The following EXT1 variants were observed in gnomAD, a reference collection of about 807,000 sequenced individuals.
EXT1 encodes the protein exostosin-1.
EXT1 carries 20 observed loss-of-function variants against 82.5 expected under a neutral mutation model. The observed-to-expected ratio is 0.24, with a 90% CI of 0.17 to 0.35. The LOEUF (loss-of-function observed/expected upper bound fraction) is 0.35, where lower values mean the gene tolerates loss of function less well. EXT1 is among the 10% of genes least tolerant of loss of function. The probability of loss-of-function intolerance (pLI) is 1.00; values close to 1 mark genes in which losing one functional copy is unlikely to be tolerated. For synonymous variants in EXT1, 348 were observed against 350.8 expected (o/e 0.99, Z 0.09); for missense variants, 757 against 936.5 (o/e 0.81, Z 2.50).
intron 1 of EXT1, among the ~76,000 whole-genome samples, chr8:118,085,806 T>G (rs988094163): frequency 2.0e-5 from 3 of 152,114 alleles, no homozygotes; most frequent in Non-Finnish European, 4.4e-5. Flanking sequence ...CTTAATCCAC[T>G]CTGCATTTTC....
intron 1 of EXT1, among the ~76,000 whole-genome samples, chr8:117,844,137 C>CTATTATTATTATTATTATTAT (rs61042253): frequency 0.022 from 3,133 of 142,476 alleles, 52 homozygotes; most frequent in Admixed American, 0.04. Flanking sequence ...ATTTCAATTA[C>CTATTATTATTATTATTATTAT]TATTATTATT....
chr8:118,066,108 C>T (rs1233144356), intron 1 of EXT1, among the ~76,000 whole-genome samples: 2 of 152,118 alleles, frequency 1.3e-5, no homozygotes. Flanking sequence ...GGCCCTTGAA[C>T]AACATAGGTT....
At chr8:117,937,265 T>C (rs56655253) in intron 1 of EXT1, among the ~76,000 whole-genome samples, 284 of 152,342 alleles carry the variant, frequency 1.9e-3, no homozygotes, top group African/African-American at 6.5e-3. Flanking sequence ...GCTGAAATCA[T>C]TGCACTTGTA....
intron 1 of EXT1, among the ~76,000 whole-genome samples, chr8:118,050,507 G>A (rs1816700112): frequency 6.6e-6 from 1 of 152,128 alleles, no homozygotes; most frequent in African/African-American, 2.4e-5. Context: ...GCAGGGGTCG[G>A]CAAACTTTTC....
chr8:118,003,930 TACC>T (rs1815724870), intron 1 of EXT1, among the ~76,000 whole-genome samples: 1 of 152,234 alleles, frequency 6.6e-6, no homozygotes, highest in South Asian at 2.1e-4. Flanking sequence ...AAAACCATAT[TACC>T]ACATTCTAAT....
chr8:118,005,753 T>C (rs1815762354), intron 1 of EXT1, among the ~76,000 whole-genome samples: 1 of 152,212 alleles, frequency 6.6e-6, no homozygotes, highest in South Asian at 2.1e-4. Context: ...AGGTGAAGAT[T>C]GCAAAATGAT....
chr8:117,861,516 A>AG (rs1383139594), intron 1 of EXT1, among the ~76,000 whole-genome samples: 1,370 of 75,968 alleles, frequency 0.018, 42 homozygotes, highest in Admixed American at 0.027. Context: ...TTTTTTTGAG[A>AG]TAGAGTCTTG....
intron 1 of EXT1, among the ~76,000 whole-genome samples, chr8:118,049,011 C>G (rs112512867): frequency 1.3e-3 from 197 of 152,254 alleles, no homozygotes; most frequent in Middle Eastern, 3.4e-3. Flanking sequence ...CCCACTCCCC[C>G]CAGAAGAAAT....
intron 1 of EXT1, among the ~76,000 whole-genome samples, chr8:117,974,195 A>G (rs1459097375): frequency 6.6e-6 from 1 of 152,232 alleles, no homozygotes; most frequent in Non-Finnish European, 1.5e-5. Flanking sequence ...AGCAGATTAT[A>G]GAAGAGCTTT....
intron 1 of EXT1, among the ~76,000 whole-genome samples, chr8:118,007,929 G>A (rs1331507418): frequency 6.6e-6 from 1 of 152,186 alleles, no homozygotes; most frequent in East Asian, 1.9e-4. Flanking sequence ...GGCAGTGCTG[G>A]CAGAGGAGGC....
chr8:117,926,382 G>C (rs1813953264), intron 1 of EXT1, among the ~76,000 whole-genome samples: 1 of 152,128 alleles, frequency 6.6e-6, no homozygotes, highest in African/African-American at 2.4e-5. Context: ...AGACAGACCA[G>C]GTAAAACCCC....
At chr8:117,954,742 G>A (rs2129702958) in intron 1 of EXT1, among the ~76,000 whole-genome samples, 1 of 152,220 alleles carries the variant, frequency 6.6e-6, no homozygotes, top group East Asian at 1.9e-4. Context: ...ATATGTGGGG[G>A]GGACCTGTTT....
intron 1 of EXT1, among the ~76,000 whole-genome samples, chr8:118,054,154 C>T (rs1273882698): frequency 6.6e-6 from 1 of 152,212 alleles, no homozygotes; most frequent in Non-Finnish European, 1.5e-5. Flanking sequence ...TTTCATGACA[C>T]AGGTCTTCCT....
At chr8:118,011,905 A>G (rs1815907909) in intron 1 of EXT1, among the ~76,000 whole-genome samples, 1 of 152,182 alleles carries the variant, frequency 6.6e-6, no homozygotes, top group African/African-American at 2.4e-5. Flanking sequence ...GGAAGGGAGG[A>G]CAGTCATCGC....
intron 1 of EXT1, among the ~76,000 whole-genome samples, chr8:117,853,041 G>A (rs934583502): frequency 6.6e-5 from 10 of 152,182 alleles, no homozygotes; most frequent in African/African-American, 2.4e-4. Flanking sequence ...AGCAGGACTG[G>A]GGTTCAGAAT....
chr8:117,807,131 C>T, intron 9 of EXT1, 86 bp downstream of exon 9: 1 of 1,537,940 alleles, frequency 6.5e-7, no homozygotes, highest in Non-Finnish European at 9.0e-7. Flanking sequence ...ATGCTGTTAA[C>T]AAGATTTGGC....
At chr8:118,048,989 A>G (rs1487191341) in intron 1 of EXT1, among the ~76,000 whole-genome samples, 1 of 152,188 alleles carries the variant, frequency 6.6e-6, no homozygotes, top group African/African-American at 2.4e-5. Flanking sequence ...AACAAGAACT[A>G]AAGCTCTGAT....
intron 1 of EXT1, among the ~76,000 whole-genome samples, chr8:118,049,777 A>C (rs140434392): frequency 6.6e-6 from 1 of 152,236 alleles, no homozygotes; most frequent in East Asian, 1.9e-4. Flanking sequence ...GAAAGCAACC[A>C]CATCAGCTTA....
intron 1 of EXT1, among the ~76,000 whole-genome samples, chr8:117,971,774 T>C (rs976904596): frequency 1.3e-5 from 2 of 152,194 alleles, no homozygotes; most frequent in Non-Finnish European, 2.9e-5. Flanking sequence ...TCTTTGCAAA[T>C]GGTATCCCCT....
Sources: allele counts gnomAD v4.1 joint callset (sites outside exome capture counted in the v4.1 genomes callset), GRCh38; gene constraint gnomAD v4.1.1; transcripts MANE v1.5; gene names NCBI Gene and HGNC (gene_info 2026-07-23, HGNC 2026-07-21).